The following ZEB1 variants were observed in gnomAD, a reference collection of about 807,000 sequenced individuals.
ZEB1 encodes the protein zinc finger E-box-binding homeobox 1.
Under a neutral mutation model 84.9 loss-of-function variants are expected in ZEB1, and 21 were observed. That is an observed-to-expected ratio of 0.25 (90% CI 0.18 to 0.36). The LOEUF (loss-of-function observed/expected upper bound fraction) is 0.36, where lower values mean the gene tolerates loss of function less well. Ranked by LOEUF, ZEB1 falls within the 10% of genes least tolerant of loss-of-function variation. The pLI is 1.00. For missense variants in ZEB1, 1,104 were observed against 1,330.2 expected, an observed-to-expected ratio of 0.83 and a Z score of 2.65; for synonymous variants, 420 against 471.1, an observed-to-expected ratio of 0.89 and a Z score of 1.41.
At chr10:31,372,222 G>T (rs2045844828) in intron 1 of ZEB1, among the ~76,000 whole-genome samples, 1 of 151,978 alleles carries the variant, frequency 6.6e-6, no homozygotes, top group Admixed American at 6.6e-5. Flanking sequence ...AGCTTTATTT[G>T]ATTGTATTTT....
chr10:31,399,829 T>C (rs537820533), intron 1 of ZEB1, among the ~76,000 whole-genome samples: 1 of 152,272 alleles, frequency 6.6e-6, no homozygotes, highest in East Asian at 1.9e-4. Flanking sequence ...TGCCAACCAC[T>C]CCTGCCTGCT....
At position 31,521,443 on chromosome 10, in the gene ZEB1, C is replaced by G; in HGVS notation, c.2111C>G (p.Pro704Arg). ...ACCAATGGTTCCAGAAGTAGTACACCATCCCCATCACCTCTAAACCTTTCC... is the reference window on the plus strand; with the variant it reads ...ACCAATGGTTCCAGAAGTAGTACACGATCCCCATCACCTCTAAACCTTTCC... ...STTNGSRSST[P>R]SPSPLNLSSS... Residue 704 changes from proline (P) to arginine (R), a missense_variant, in exon 7 of 9, where the codon CCA (proline) becomes CGA (arginine). Pro to Arg is a moderately radical substitution (Grantham distance 103). Around this residue, in one of 7 missense-constraint regions of ZEB1, gnomAD observed 531 missense variants for 575.2 expected, o/e 0.92. Transcript: ENST00000424869. 1 of 1,614,060 alleles carries G rather than the reference C, an allele frequency of 6.2e-7. No homozygotes were observed. Among genetic ancestry groups the G allele is most frequent in the Non-Finnish European group, 8.5e-7 (1 of 1,180,006 alleles).
intron 2 of ZEB1, among the ~76,000 whole-genome samples, chr10:31,482,043 A>T (rs1415141302): frequency 6.6e-6 from 1 of 152,096 alleles, no homozygotes; most frequent in East Asian, 1.9e-4. Flanking sequence ...GTATTTTCCC[A>T]GAAGATAATT....
At chr10:31,432,161 T>G (rs1252821910) in intron 1 of ZEB1, among the ~76,000 whole-genome samples, 1 of 152,234 alleles carries the variant, frequency 6.6e-6, no homozygotes, top group Non-Finnish European at 1.5e-5. Flanking sequence ...CACTGTCCGG[T>G]AGAACTTTCT....
intron 1 of ZEB1, among the ~76,000 whole-genome samples, chr10:31,372,581 A>G (rs1339692235): frequency 3.3e-5 from 5 of 152,070 alleles, no homozygotes; most frequent in Admixed American, 1.3e-4. Context: ...GGATTACGCT[A>G]AAGTGTAACC....
In ZEB1 at chr10:31,526,664, T is replaced by C. The variant is rs2073510844; in HGVS notation, c.2786-8T>C. The C allele has an allele frequency of 2.5e-6, 4 of 1,613,234 alleles. No homozygotes were observed. Among genetic ancestry groups the C allele is most frequent in the Non-Finnish European group, 3.4e-6 (4 of 1,179,972 alleles). On this transcript the variant is annotated splice_polypyrimidine_tract_variant and splice_region_variant and intron_variant, in intron 8 of 8. Transcript: ENST00000424869. Reference sequence around the variant, plus strand: ...ACCATTTTATTTAACAGAATTCTTATTTTGCAGGTAAAAGACCTCATGAGT... The same window carrying C: ...ACCATTTTATTTAACAGAATTCTTACTTTGCAGGTAAAAGACCTCATGAGT...
intron 1 of ZEB1, among the ~76,000 whole-genome samples, chr10:31,426,570 G>T (rs1429455814): frequency 6.6e-6 from 1 of 152,152 alleles, no homozygotes; most frequent in Non-Finnish European, 1.5e-5. Flanking sequence ...TGTTGTTTAG[G>T]TTTTCCAACT....
Position 31,491,855 on chromosome 10 carries a change from C to T in ZEB1, c.260-3921C>T, listed in dbSNP as rs1285155894. Among the ~76,000 whole-genome samples the T allele has an allele frequency of 1.3e-4, 20 of 151,812 alleles. 1 individual carries two copies. Among genetic ancestry groups the T allele is most frequent in the Admixed American group, 1.3e-3 (20 of 15,190 alleles). Reference sequence around the variant, plus strand: ...TTGTTTTAACTTTGCTATACAGTTACACCCCAAATATTCACATACATATTA... The same window carrying T: ...TTGTTTTAACTTTGCTATACAGTTATACCCCAAATATTCACATACATATTA... On this transcript the variant is annotated intron_variant, in intron 2 of 8. Transcript: ENST00000424869.
chr10:31,461,691 GT>G (rs1171268648), intron 2 of ZEB1, among the ~76,000 whole-genome samples: 1 of 152,028 alleles, frequency 6.6e-6, no homozygotes, highest in Admixed American at 6.6e-5. Context: ...AAGTAAGGTG[GT>G]TTTTTCACTT....
chr10:31,355,944 T>A (rs1378492360), intron 1 of ZEB1, among the ~76,000 whole-genome samples: 1 of 152,132 alleles, frequency 6.6e-6, no homozygotes, highest in African/African-American at 2.4e-5. Context: ...AGCATTGTTG[T>A]TAGATGCTAT....
intron 1 of ZEB1, among the ~76,000 whole-genome samples, chr10:31,384,083 G>T (rs932731972): frequency 1.4e-5 from 2 of 139,938 alleles, no homozygotes; most frequent in African/African-American, 2.7e-5. Flanking sequence ...TCAAGTGATT[G>T]TCCTGCCTCA....
intron 3 of ZEB1, among the ~76,000 whole-genome samples, chr10:31,499,670 C>T (rs1003195674): frequency 1.5e-4 from 23 of 151,850 alleles, no homozygotes; most frequent in African/African-American, 5.6e-4. Context: ...GAGGCTGAGG[C>T]GGGAGAATCG....
chr10:31,376,959 A>G (rs193035010), intron 1 of ZEB1, among the ~76,000 whole-genome samples: 1 of 151,640 alleles, frequency 6.6e-6, no homozygotes, highest in African/African-American at 2.4e-5. Flanking sequence ...AGCTTTTATT[A>G]TTACTGCTAA....
At position 31,321,959 on chromosome 10, in the gene ZEB1, T is replaced by A. The variant is rs112685279; in HGVS notation, c.58+2667T>A. On this transcript the variant is annotated intron_variant, in intron 1 of 8. Transcript: ENST00000424869. ...ATTTATTTACCACGCTTGCTGTCAG[T>A]GTTTTTCCTTTGTGTTTAATATTAG... is the stretch of plus-strand genomic sequence containing the variant. 1.9e-4 allele frequency: 44 copies of A among 226,456 alleles called. 4 individuals are homozygous for A. The highest frequency in any genetic ancestry group is 9.9e-4 in the African/African-American group (44 of 44,374). The allele number at this position is 226,456 out of a possible 1,614,324, so 14.0% of individuals were successfully genotyped here.
chr10:31,363,869 G>A (rs886608921), intron 1 of ZEB1: 18 of 1,309,666 alleles, frequency 1.4e-5, no homozygotes, highest in African/African-American at 3.0e-5. Context: ...CCAAGATGTC[G>A]CTGACGGTTG....
chr10:31,423,165 G>T (rs2056449959), intron 1 of ZEB1, among the ~76,000 whole-genome samples: 1 of 151,980 alleles, frequency 6.6e-6, no homozygotes, highest in Admixed American at 6.6e-5. Flanking sequence ...GCTTCATATG[G>T]ATACAATGCC....
chr10:31,338,386 G>A (rs545435052), intron 1 of ZEB1, among the ~76,000 whole-genome samples: 12 of 152,208 alleles, frequency 7.9e-5, no homozygotes, highest in Admixed American at 5.9e-4. Flanking sequence ...ACTGAGGCAC[G>A]GAAAGTGTTG....
rs746935944 is a variant in ZEB1, at chr10:31,520,678, C to G, written c.1346C>G (p.Pro449Arg). The G allele has an allele frequency of 6.2e-7, 1 of 1,614,010 alleles. No homozygotes were observed. The highest frequency in any genetic ancestry group is 8.5e-7 in the Non-Finnish European group (1 of 1,179,988). ...GAACAAGAAACAATCAATGCTTCAC[C>G]CATACAACAAGGTGGCCATTCTGTT... is the stretch of plus-strand genomic sequence containing the variant. ...SKEQETINAS[P>R]IQQGGHSVIS... is the part of the protein sequence containing the mutation. Residue 449 changes from proline (P) to arginine (R), a missense_variant, in exon 7 of 9, where the codon CCC (proline) becomes CGC (arginine). Around this residue, in one of 7 missense-constraint regions of ZEB1, gnomAD observed 531 missense variants for 575.2 expected, o/e 0.92. Coordinates refer to ENST00000424869, the MANE Select transcript of ZEB1 (RefSeq NM_001174096.2). This position sits in a 1 kb window ranked among gnomAD's most constrained non-coding sequence, Gnocchi z 5.1.
chr10:31,418,455 A>C (rs544369180), intron 1 of ZEB1, among the ~76,000 whole-genome samples: 1 of 152,236 alleles, frequency 6.6e-6, no homozygotes, highest in East Asian at 1.9e-4. Context: ...AAGGATTTTA[A>C]ATCAGTGATT....
Sources: allele counts gnomAD v4.1 joint callset (sites outside exome capture counted in the v4.1 genomes callset), GRCh38; gene constraint gnomAD v4.1.1; regional missense constraint gnomAD v4.1.1; non-coding constraint Gnocchi (gnomAD v3.1); transcripts MANE v1.5; gene names NCBI Gene and HGNC (gene_info 2026-07-23, HGNC 2026-07-21).